FLI1: variants seen among roughly 807,000 people sequenced by gnomAD.
The protein encoded by FLI1 is Friend leukemia integration 1 transcription factor.
Under a neutral mutation model 53.1 loss-of-function variants are expected in FLI1, and 13 were observed. That is an observed-to-expected ratio of 0.24 (90% CI 0.16 to 0.39). FLI1 has a LOEUF of 0.39. Among genes scored for constraint, FLI1 ranks in the 10% least tolerant of loss-of-function variants. FLI1 has a pLI of 1.00. For missense variants in FLI1, 424 were observed against 600.5 expected, an observed-to-expected ratio of 0.71 and a Z score of 3.07; for synonymous variants, 244 against 236.7, an observed-to-expected ratio of 1.03 and a Z score of -0.28.
rs182850825 is a variant in FLI1, at chr11:128,809,123, A to G, written c.782-34A>G. On this transcript the variant is annotated intron_variant, in intron 7 of 8. Coordinates refer to ENST00000527786, the MANE Select transcript of FLI1 (RefSeq NM_002017.5). ...GGTACGGTTGTCATATTTTTTAAAA[A>G]CACTGAAGCAAATTTCCTTTTTTAT... 258 of 1,598,922 alleles carry G rather than the reference A, an allele frequency of 1.6e-4. 1 individual carries two copies. In the East Asian group the frequency reaches 3.7e-3, roughly 23 times the overall value.
At chr11:128,775,994 T>C (rs1315863892) in intron 4 of FLI1, among the ~76,000 whole-genome samples, 1 of 152,190 alleles carries the variant, frequency 6.6e-6, no homozygotes, top group Non-Finnish European at 1.5e-5. Context: ...TTTCTGGGCT[T>C]TATAGAAAGT....
intron 4 of FLI1, among the ~76,000 whole-genome samples, chr11:128,774,934 A>C (rs1941687508): frequency 1.3e-5 from 2 of 152,212 alleles, no homozygotes; most frequent in South Asian, 4.1e-4. Context: ...ACAAGGTTGA[A>C]GTGGAGGTGC....
At chr11:128,715,905 T>C (rs1270266267) in intron 1 of FLI1, among the ~76,000 whole-genome samples, 1 of 152,182 alleles carries the variant, frequency 6.6e-6, no homozygotes. Context: ...TTGTATTGTT[T>C]AAAGGAAGCC....
At chr11:128,784,196 C>T (rs1010223240) in intron 5 of FLI1, among the ~76,000 whole-genome samples, 1 of 149,890 alleles carries the variant, frequency 6.7e-6, no homozygotes, top group African/African-American at 2.5e-5. Context: ...CTGGTTTAGC[C>T]AAGTTGAAAT....
chr11:128,697,121 C>G (rs968198468), intron 1 of FLI1, among the ~76,000 whole-genome samples: 1 of 152,182 alleles, frequency 6.6e-6, no homozygotes, highest in African/African-American at 2.4e-5. Flanking sequence ...CCGACCCACG[C>G]CCCTGCTTCC....
At chr11:128,749,228 G>T (rs1940540568) in intron 1 of FLI1, among the ~76,000 whole-genome samples, 1 of 152,166 alleles carries the variant, frequency 6.6e-6, no homozygotes. Context: ...TTTGAATATG[G>T]GTTTTCGGTT....
At position 128,812,554 on chromosome 11, in the gene FLI1, G is replaced by C. The variant is rs764854814; in HGVS notation, c.*1566G>C. The C allele has an allele frequency of 5.3e-5, 12 of 225,114 alleles. No homozygotes were observed. Among genetic ancestry groups the C allele is most frequent in the Non-Finnish European group, 1.1e-4 (12 of 112,960 alleles). The allele number at this position is 225,114 out of a possible 1,614,324, so 13.9% of individuals were successfully genotyped here. On this transcript the variant is annotated 3_prime_UTR_variant, in exon 9 of 9. Coordinates refer to ENST00000527786, the MANE Select transcript of FLI1 (RefSeq NM_002017.5). The stretch of plus-strand genomic sequence containing the variant: ...CAGTACAGCAGAAGGTAAAAAATCA[G>C]TGTGGTTTTTCATTGTTGTTGATGA...
At chr11:128,767,137 C>G (rs936371594) in intron 2 of FLI1, among the ~76,000 whole-genome samples, 1 of 152,190 alleles carries the variant, frequency 6.6e-6, no homozygotes, top group Admixed American at 6.5e-5. Flanking sequence ...GGTGGGACTT[C>G]ACCCCTCCAG....
upstream of FLI1, among the ~76,000 whole-genome samples, chr11:128,689,875 C>T (rs900090675): frequency 1.6e-4 from 24 of 152,254 alleles, no homozygotes; most frequent in African/African-American, 5.8e-4. Flanking sequence ...GCCCTCCCGC[C>T]GCCGCGGCCT....
intron 1 of FLI1, among the ~76,000 whole-genome samples, chr11:128,731,794 G>A (rs1233681581): frequency 6.6e-6 from 1 of 152,102 alleles, no homozygotes; most frequent in African/African-American, 2.4e-5. Context: ...CTTGAGGTCA[G>A]GAGTTCGAGA....
At chr11:128,759,092 C>G (rs751777977) in intron 2 of FLI1, among the ~76,000 whole-genome samples, 3 of 152,194 alleles carry the variant, frequency 2.0e-5, no homozygotes, top group African/African-American at 2.4e-5. Flanking sequence ...AGGGAAAGGA[C>G]CTGGGATGGT....
chr11:128,763,447 T>C (rs911789049), intron 2 of FLI1, among the ~76,000 whole-genome samples: 7 of 152,258 alleles, frequency 4.6e-5, no homozygotes, highest in African/African-American at 1.7e-4. Context: ...AGCTGCATCC[T>C]GTCTCAACCA....
chr11:128,770,552 A>G (rs1343495236), intron 3 of FLI1, among the ~76,000 whole-genome samples: 1 of 152,238 alleles, frequency 6.6e-6, no homozygotes, highest in Non-Finnish European at 1.5e-5. Flanking sequence ...TGCATTTGGA[A>G]GAGTTTAGCA....
chr11:128,738,620 A>G (rs971727363), intron 1 of FLI1, among the ~76,000 whole-genome samples: 1 of 152,242 alleles, frequency 6.6e-6, no homozygotes, highest in Non-Finnish European at 1.5e-5. Context: ...CATTGGACAA[A>G]TCACATATCC....
chr11:128,786,930 C>G (rs769177028), intron 5 of FLI1, among the ~76,000 whole-genome samples: 3 of 152,198 alleles, frequency 2.0e-5, no homozygotes, highest in Non-Finnish European at 4.4e-5. Flanking sequence ...CAGCCTGGAG[C>G]CTTTCAGGAC....
chr11:128,782,166 C>A, intron 5 of FLI1, 143 bp downstream of exon 5: 1 of 681,438 alleles, frequency 1.5e-6, no homozygotes. Flanking sequence ...AAAATTTTCG[C>A]CACTTGTGCT....
Position 128,702,356 on chromosome 11 carries a change from AT to A in FLI1, c.18+8081del, listed in dbSNP as rs557003250. Among the ~76,000 whole-genome samples the A allele has an allele frequency of 8.5e-5, 13 of 152,366 alleles. No homozygotes were observed. The East Asian group carries it at 2.5e-3, about 29-fold the overall frequency. The stretch of plus-strand genomic sequence containing the variant: ...AGTATTGGAAATTCCAAAAGAAGCA[AT>A]ACTCATTGGAGAAATCTTTATTTGT... On this transcript the variant is annotated intron_variant, in intron 1 of 8. Coordinates refer to ENST00000527786, the MANE Select transcript of FLI1 (RefSeq NM_002017.5).
chr11:128,746,655 C>T (rs1940403049), intron 1 of FLI1, among the ~76,000 whole-genome samples: 1 of 152,150 alleles, frequency 6.6e-6, no homozygotes, highest in African/African-American at 2.4e-5. Context: ...CATCCTGGCT[C>T]CCAGGCTACT....
intron 1 of FLI1, among the ~76,000 whole-genome samples, chr11:128,726,033 G>A (rs989355290): frequency 2.6e-5 from 4 of 152,136 alleles, no homozygotes; most frequent in African/African-American, 9.7e-5. Flanking sequence ...CTTCAGCTGA[G>A]CCCTCTGAAA....
Sources: gnomAD v4.1 joint callset for allele counts (sites outside exome capture counted in the v4.1 genomes callset) on GRCh38, gnomAD v4.1.1 for gene constraint, MANE v1.5 for transcripts, NCBI Gene and HGNC (gene_info 2026-07-23, HGNC 2026-07-21) for gene names.